CLASP1: variants seen among roughly 807,000 people sequenced by gnomAD.
CLASP1 encodes CLIP-associating protein 1.
In CLASP1, 38 loss-of-function variants were observed where a neutral mutation model predicts 192.3. The ratio of observed to expected loss-of-function variants is 0.20; its 90% CI spans 0.15 to 0.26. CLASP1 has a LOEUF of 0.26. Ranked by LOEUF, CLASP1 falls within the 10% of genes least tolerant of loss-of-function variation. The pLI, the probability that CLASP1 is intolerant of heterozygous loss-of-function variation, is 1.00. For synonymous variants in CLASP1, 691 were observed against 712.8 expected, an observed-to-expected ratio of 0.97 and a Z score of 0.49; for missense variants, 1,433 against 1,932.5, an observed-to-expected ratio of 0.74 and a Z score of 4.85.
At position 121,436,914 on chromosome 2, in the gene CLASP1, A is replaced by T. The variant is rs115411730; in HGVS notation, c.1913-6737T>A. Among the ~76,000 whole-genome samples the T allele has an allele frequency of 4.9e-3, 747 of 152,148 alleles. 9 individuals are homozygous for T. The highest frequency in any genetic ancestry group is 0.017 in the African/African-American group (724 of 41,508). ...TTCTTCCTAGCTTTCTTAATTCATG[A>T]GTTCTCTCTTCAGTTACATTGATTC... On this transcript the variant is annotated intron_variant, in intron 19 of 39. Coordinates refer to ENST00000263710, the Ensembl canonical transcript of CLASP1.
At chr2:121,478,782 CCCCA>C (rs2092103111) in intron 8 of CLASP1, among the ~76,000 whole-genome samples, 1 of 62,850 alleles carries the variant, frequency 1.6e-5, no homozygotes, top group African/African-American at 7.6e-5. Context: ...CACACACACA[CCCCA>C]CACACACCAC....
chr2:121,453,137 A>T (rs779031234), intron 14 of CLASP1, among the ~76,000 whole-genome samples: 157 of 152,232 alleles, frequency 1.0e-3, no homozygotes, highest in Non-Finnish European at 1.9e-3. Flanking sequence ...AAATTTTTTT[A>T]AAAAAATTAG....
At chr2:121,457,002 T>C (rs2086804258) in intron 14 of CLASP1, among the ~76,000 whole-genome samples, 1 of 152,190 alleles carries the variant, frequency 6.6e-6, no homozygotes, top group Non-Finnish European at 1.5e-5. Flanking sequence ...TTCATAGATT[T>C]TAAAAGACTC....
At chr2:121,465,668 T>G (rs1488223575) in intron 9 of CLASP1, among the ~76,000 whole-genome samples, 3 of 152,104 alleles carry the variant, frequency 2.0e-5, no homozygotes, top group African/African-American at 7.2e-5. Context: ...TGGAAAAAAC[T>G]ACTTTAAAGT....
chr2:121,478,461 C>G (rs1378037094), intron 8 of CLASP1, among the ~76,000 whole-genome samples: 2 of 151,910 alleles, frequency 1.3e-5, no homozygotes, highest in Admixed American at 1.3e-4. Context: ...ATGAGCCCAG[C>G]GTGGCAGCAC....
intron 18 of CLASP1, among the ~76,000 whole-genome samples, chr2:121,448,024 A>G (rs1467039033): frequency 1.3e-5 from 2 of 152,224 alleles, no homozygotes; most frequent in Non-Finnish European, 2.9e-5. Flanking sequence ...GTCAACATGC[A>G]GGGGAGGTGG....
intron 2 of CLASP1, among the ~76,000 whole-genome samples, chr2:121,574,672 C>T (rs2105461541): frequency 6.7e-6 from 1 of 149,392 alleles, no homozygotes; most frequent in East Asian, 2.0e-4. Flanking sequence ...GGTGCGGTGG[C>T]TCACGCCTGT....
At chr2:121,514,503 C>G (rs201825748) in intron 7 of CLASP1, among the ~76,000 whole-genome samples, 5 of 149,504 alleles carry the variant, frequency 3.3e-5, no homozygotes, top group African/African-American at 1.2e-4. Flanking sequence ...AACACAGGAA[C>G]TTAAAAAAAA....
chr2:121,554,588 C>T (rs1386937598), intron 2 of CLASP1, among the ~76,000 whole-genome samples: 1 of 151,900 alleles, frequency 6.6e-6, no homozygotes, highest in Non-Finnish European at 1.5e-5. Context: ...TGAGATGGCA[C>T]CACTGCATAC....
At chr2:121,570,226 C>A (rs1576088255) in intron 2 of CLASP1, among the ~76,000 whole-genome samples, 1 of 152,184 alleles carries the variant, frequency 6.6e-6, no homozygotes, top group African/African-American at 2.4e-5. Flanking sequence ...ACAGGTGGCA[C>A]AATCTTGTTA....
intron 8 of CLASP1, among the ~76,000 whole-genome samples, chr2:121,500,344 A>AAG (rs1553601146): frequency 8.4e-6 from 1 of 119,310 alleles, no homozygotes; most frequent in South Asian, 3.0e-4. Context: ...GAAAGAAAGA[A>AAG]AAAGAAAGAA....
chr2:121,610,629 G>GGAA (rs2065195000), intron 1 of CLASP1, among the ~76,000 whole-genome samples: 1 of 149,392 alleles, frequency 6.7e-6, no homozygotes, highest in South Asian at 2.1e-4. Context: ...AACTGGAGGA[G>GGAA]GAGGAGGAGT....
At position 121,637,102 on chromosome 2, in the gene CLASP1, C is replaced by A. The variant is rs182337755; in HGVS notation, c.-286+12270G>T. Among the ~76,000 whole-genome samples the A allele has an allele frequency of 4.6e-3, 701 of 152,272 alleles. 2 individuals are homozygous for A. The highest frequency in any genetic ancestry group is 0.016 in the African/African-American group (679 of 41,556). On this transcript the variant is annotated intron_variant, in intron 1 of 39. Transcript: ENST00000263710. The stretch of plus-strand genomic sequence containing the variant: ...TACTCTCCTACCCCAAAGGTCCTTA[C>A]AATCTGTTTTTGGGACACAAACTAT...
chr2:121,367,512 C>T (rs2067658412), intron 35 of CLASP1, 76 bp downstream of exon 36: 4 of 1,577,342 alleles, frequency 2.5e-6, no homozygotes, highest in South Asian at 1.1e-5. Context: ...GACCAGTGGG[C>T]CTGGTGCTGG....
At chr2:121,392,633 ATT>A (rs1039968938) in intron 30 of CLASP1, among the ~76,000 whole-genome samples, 14 of 152,198 alleles carry the variant, frequency 9.2e-5, no homozygotes. Context: ...CAGGGATTAA[ATT>A]ACTTGCTCTG....
At chr2:121,440,846 G>A (rs1352705827) in intron 19 of CLASP1, among the ~76,000 whole-genome samples, 1 of 150,218 alleles carries the variant, frequency 6.7e-6, no homozygotes, top group Non-Finnish European at 1.5e-5. Context: ...GTAAAGAACT[G>A]TACAACAAAA....
chr2:121,500,582 TTCTC>T (rs1020272253), intron 8 of CLASP1, among the ~76,000 whole-genome samples: 1 of 152,084 alleles, frequency 6.6e-6, no homozygotes, highest in Non-Finnish European at 1.5e-5. Context: ...CTACTGCAGT[TTCTC>T]TATGCCATCT....
chr2:121,426,383 T>C (rs1216141930), intron 21 of CLASP1, among the ~76,000 whole-genome samples: 1 of 152,030 alleles, frequency 6.6e-6, no homozygotes, highest in Middle Eastern at 3.4e-3. Flanking sequence ...AATATAAAAC[T>C]AAAAAATGAT....
chr2:121,448,881 T>C, intron 17 of CLASP1, 72 bp downstream of exon 17: 3 of 1,469,140 alleles, frequency 2.0e-6, no homozygotes, highest in Non-Finnish European at 2.8e-6. Context: ...ATAGCTAGAA[T>C]TTGTGTTTTC....
Sources: gnomAD v4.1 joint callset for allele counts (sites outside exome capture counted in the v4.1 genomes callset) on GRCh38, gnomAD v4.1.1 for gene constraint, MANE v1.5 for transcripts, NCBI Gene and HGNC (gene_info 2026-07-23, HGNC 2026-07-21) for gene names.